Variants in SMC2 observed in about 807,000 individuals in gnomAD.
SMC2 encodes the protein structural maintenance of chromosomes protein 2.
A neutral mutation model predicts 142.6 loss-of-function variants in SMC2; 41 were observed. The ratio of observed to expected loss-of-function variants is 0.29; its 90% confidence interval spans 0.22 to 0.37. The LOEUF (loss-of-function observed/expected upper bound fraction) is 0.37. Among genes scored for constraint, SMC2 ranks in the 10% least tolerant of loss-of-function variants. The probability of loss-of-function intolerance (pLI) is 1.00; values close to 1 mark genes in which losing one functional copy is unlikely to be tolerated. For missense variants in SMC2, 1,265 were observed against 1,373.7 expected (o/e 0.92, Z 1.25); for synonymous variants, 463 against 457.5 (o/e 1.01, Z -0.15).
rs1833349376 is a variant in SMC2, at chr9:104,118,237, A to G, written c.1858A>G (p.Met620Val). The change falls in exon 15 of 25, where the codon ATG becomes GTG. Residue 620 changes from methionine (M) to valine (V), a missense_variant. Met to Val is a conservative substitution (Grantham distance 21, BLOSUM62 1). Coordinates refer to ENST00000374793, the MANE Select transcript of SMC2 (RefSeq NM_006444.3). ...ATATAAACCAGAACTTCAGAAAGCA[A>G]TGGAGTTTGTCTTTGGAACAACATT... The part of the protein sequence containing the change: ...VEYKPELQKA[M>V]EFVFGTTFVC... 6.2e-7 allele frequency: 1 copy of G among 1,613,810 alleles called. No individual in the cohort carries two copies. Among genetic ancestry groups the G allele is most frequent in the Non-Finnish European group, 8.5e-7 (1 of 1,179,806 alleles).
intron 23 of SMC2, 150 bp downstream of exon 23, chr9:104,134,725 T>G: frequency 2.1e-6 from 1 of 467,908 alleles, no homozygotes; most frequent in Non-Finnish European, 3.7e-6. Context: ...GTTAAAACAT[T>G]TGATTAAAAT....
intron 8 of SMC2, 62 bp downstream of exon 8, chr9:104,102,255 A>G: frequency 9.0e-7 from 1 of 1,107,770 alleles, no homozygotes; most frequent in Non-Finnish European, 1.3e-6. Context: ...AATTATATAT[A>G]GTAACTATTT....
chr9:104,101,734 G>A (rs767686685), intron 7 of SMC2, among the ~76,000 whole-genome samples: 7 of 152,124 alleles, frequency 4.6e-5, no homozygotes, highest in Non-Finnish European at 8.8e-5. Context: ...CTACCCAAGT[G>A]TGTGTTAGAA....
intron 3 of SMC2, 36 bp downstream of exon 3, chr9:104,096,333 C>T (rs1830441674): frequency 6.3e-7 from 1 of 1,598,398 alleles, no homozygotes; most frequent in East Asian, 2.2e-5. Flanking sequence ...ATCTTAAGAC[C>T]TTTTATGTCT....
chr9:104,112,920 G>GCACT (rs1832651132), intron 10 of SMC2, among the ~76,000 whole-genome samples: 1 of 151,998 alleles, frequency 6.6e-6, no homozygotes, highest in Admixed American at 6.6e-5. Flanking sequence ...TTATTAGATA[G>GCACT]CACTCACAAA....
chr9:104,129,825 T>C lies in SMC2; in HGVS notation c.2971T>C (p.Leu991=), dbSNP rs1163480865. The C allele has an allele frequency of 2.5e-6, 4 of 1,613,564 alleles. No individual in the cohort carries two copies. Among genetic ancestry groups the C allele is most frequent in the East Asian group, 2.2e-5 (1 of 44,836 alleles). Residue 991 remains leucine (L), a synonymous_variant, in exon 21 of 25, where the codon TTG becomes CTG. Coordinates refer to ENST00000374793, the MANE Select transcript of SMC2 (RefSeq NM_006444.3). ...RNVNMRAMNV[L]TEAEERYNDL... The stretch of plus-strand genomic sequence containing the variant: ...TGTCAATATGAGAGCTATGAATGTA[T>C]TGACAGAAGCTGAAGAGCGAGTAAG...
At position 104,095,550 on chromosome 9, in the gene SMC2, C is replaced by G. The variant is rs1278480404; in HGVS notation, c.166C>G (p.Gln56Glu). 3.1e-6 allele frequency: 5 copies of G among 1,612,232 alleles called. No homozygotes were observed. The highest frequency in any genetic ancestry group is 3.4e-6 in the Non-Finnish European group (4 of 1,178,586). ...TTTGCTGGGCATCTCCAACCTGTCT[C>G]AGGTAAAGTGTAAACTTTCTGATTT... ...CFLLGISNLS[Q>E]VRASNLQDLV... The change falls in exon 2 of 25, where the codon CAG becomes GAG. Residue 56 changes from glutamine (Q) to glutamate (E), a missense_variant and splice_region_variant. Physicochemically the swap from Gln to Glu is conservative, Grantham distance 29 (BLOSUM62 2). Around this residue, in one of 4 missense-constraint regions of SMC2, gnomAD observed 168 missense variants for 184.8 expected, o/e 0.91. Coordinates refer to ENST00000374793, the MANE Select transcript of SMC2 (RefSeq NM_006444.3).
intron 13 of SMC2, among the ~76,000 whole-genome samples, chr9:104,115,584 CA>C (rs112793649): frequency 0.062 from 8,493 of 136,654 alleles, 636 homozygotes; most frequent in African/African-American, 0.19. Context: ...GACTGTATCT[CA>C]AAAAAAAAAA....
intron 10 of SMC2, among the ~76,000 whole-genome samples, chr9:104,113,025 G>A (rs1354817337): frequency 6.6e-6 from 1 of 151,992 alleles, no homozygotes; most frequent in African/African-American, 2.4e-5. Flanking sequence ...GCTACTGACA[G>A]TTATTCGATA....
At chr9:104,093,771 G>A (rs1012926581), upstream of SMC2, among the ~76,000 whole-genome samples, 2 of 152,176 alleles carry the variant, frequency 1.3e-5, no homozygotes, top group African/African-American at 4.8e-5. Context: ...GTACGGGGCG[G>A]AGCCAGGACG....
chr9:104,129,457 G>A (rs573234686), intron 20 of SMC2, among the ~76,000 whole-genome samples, 188 bp from the exon 21 acceptor site: 29 of 150,544 alleles, frequency 1.9e-4, no homozygotes, highest in South Asian at 6.3e-4. Flanking sequence ...AGCCAAGATC[G>A]CGCCATTGCA....
chr9:104,118,430 C>T, intron 15 of SMC2, 55 bp downstream of exon 15: 1 of 1,427,424 alleles, frequency 7.0e-7, no homozygotes, highest in South Asian at 1.3e-5. Context: ...AGGAAGATGC[C>T]TTTTTTAAGT....
intron 16 of SMC2, among the ~76,000 whole-genome samples, chr9:104,122,470 GT>G (rs200031432): frequency 0.06 from 8,543 of 143,094 alleles, 641 homozygotes; most frequent in African/African-American, 0.19. Flanking sequence ...TATAAGTTTT[GT>G]TTTTTTTTTT....
intron 23 of SMC2, among the ~76,000 whole-genome samples, chr9:104,136,593 A>T (rs1330932564): frequency 1.3e-5 from 2 of 150,082 alleles, no homozygotes; most frequent in East Asian, 3.9e-4. Context: ...GCACAGCAGA[A>T]TTTTTTTTTT....
intron 20 of SMC2, among the ~76,000 whole-genome samples, chr9:104,128,839 T>C (rs1341625773): frequency 1.3e-5 from 2 of 152,194 alleles, no homozygotes; most frequent in Non-Finnish European, 2.9e-5. Flanking sequence ...GGGAGCAGGA[T>C]AGAGTCAATG....
intron 14 of SMC2, among the ~76,000 whole-genome samples, chr9:104,117,154 T>A (rs1349544515): frequency 6.6e-6 from 1 of 152,170 alleles, no homozygotes; most frequent in Non-Finnish European, 1.5e-5. Flanking sequence ...AAGGTGATGT[T>A]TTTGGTTGGT....
chr9:104,127,366 A>G lies in SMC2; in HGVS notation c.2676A>G (p.Lys892=). Residue 892 remains lysine, a synonymous_variant, in exon 20 of 25, where the codon AAA becomes AAG. Transcript: ENST00000374793. ...CCCAAGACACTGTAATTAAAGCTAAATATGCAGAAGTGGCAAAACACAAGG... is the reference window on the plus strand; with the variant it reads ...CCCAAGACACTGTAATTAAAGCTAAGTATGCAGAAGTGGCAAAACACAAGG... ...ITAQDTVIKA[K]YAEVAKHKEQ... is the part of the protein sequence containing the mutation. 2.5e-6 allele frequency: 4 copies of G among 1,613,994 alleles called. No homozygotes were observed. Among genetic ancestry groups the G allele is most frequent in the South Asian group, 2.2e-5 (2 of 91,070 alleles).
At chr9:104,096,450 A>C (rs1830453925) in intron 3 of SMC2, among the ~76,000 whole-genome samples, 153 bp downstream of exon 3, 1 of 152,250 alleles carries the variant, frequency 6.6e-6, no homozygotes, top group South Asian at 2.1e-4. Flanking sequence ...TCCTTATATT[A>C]AAATCTTGAT....
At chr9:104,134,823 C>T (rs1006431474) in intron 23 of SMC2, among the ~76,000 whole-genome samples, 7 of 151,962 alleles carry the variant, frequency 4.6e-5, no homozygotes, top group Non-Finnish European at 8.8e-5. Context: ...AATGAATAGT[C>T]CAGGACAAGA....
Sources: gnomAD v4.1 joint callset for allele counts (sites outside exome capture counted in the v4.1 genomes callset) on GRCh38, gnomAD v4.1.1 for gene constraint, gnomAD v4.1.1 regional missense constraint, MANE v1.5 for transcripts, NCBI Gene and HGNC (gene_info 2026-07-23, HGNC 2026-07-21) for gene names.